Variants in NUDCD1 observed in about 807,000 individuals in gnomAD.
NUDCD1 encodes the protein nudC domain-containing protein 1.
A neutral mutation model predicts 67.8 loss-of-function variants in NUDCD1; 60 were observed. The observed-to-expected ratio is 0.88, with a 90% CI of 0.72 to 1.10. NUDCD1 has a LOEUF of 1.10. Ranked by LOEUF, NUDCD1 falls within the 50% of genes least tolerant of loss-of-function variation. The probability of loss-of-function intolerance (pLI) is 0.00; values close to 1 mark genes in which losing one functional copy is unlikely to be tolerated. For synonymous variants in NUDCD1, 244 were observed against 230.8 expected (o/e 1.06, Z -0.52); for missense variants, 643 against 695.0 (o/e 0.93, Z 0.84).
rs936225733 is a variant in NUDCD1 at position 109,242,113 on chromosome 8, A to G, written c.*896T>C. ...TCAATGGCCCCCAATGAGTCATACC[A>G]TCCGCTGTCAGCTTGTGTAGTCCCC... On this transcript the variant is annotated 3_prime_UTR_variant, in exon 10 of 10. Transcript: ENST00000239690. 8 of 398,074 alleles carry G rather than the reference A, an allele frequency of 2.0e-5. No homozygotes were observed. Among genetic ancestry groups the G allele is most frequent in the African/African-American group, 1.6e-4 (8 of 48,606 alleles). 24.7% of individuals were successfully genotyped at this position (398,074 alleles called of 1,614,324 possible).
rs146545605 is a variant in NUDCD1 at position 109,297,102 on chromosome 8, T to C, written c.274-533A>G. Among the ~76,000 whole-genome samples, 345 of 152,336 alleles carry C rather than the reference T, an allele frequency of 2.3e-3. 10 individuals are homozygous for C. In the East Asian group the frequency reaches 0.055, roughly 24 times the overall value. On this transcript the variant is annotated intron_variant, in intron 2 of 9. Transcript: ENST00000239690. ...AACTGTGTGATATGGTAAGTGGTTA[T>C]TGTTTCAAGTCACTAAGTTTTGAAG...
At chr8:109,248,435 A>T (rs980248474) in intron 8 of NUDCD1, among the ~76,000 whole-genome samples, 7 of 152,162 alleles carry the variant, frequency 4.6e-5, no homozygotes, top group African/African-American at 1.4e-4. Context: ...TTGTAAAGAA[A>T]TTTTTTTAAA....
chr8:109,251,337 TA>T (rs1198252478), intron 8 of NUDCD1, among the ~76,000 whole-genome samples: 1 of 151,980 alleles, frequency 6.6e-6, no homozygotes, highest in Non-Finnish European at 1.5e-5. Context: ...CACGCCTGGT[TA>T]ATTTTTGTAT....
chr8:109,300,120 T>C (rs930641010), intron 2 of NUDCD1, among the ~76,000 whole-genome samples: 2 of 152,156 alleles, frequency 1.3e-5, no homozygotes, highest in Non-Finnish European at 2.9e-5. Context: ...GCCCTAGACT[T>C]TCCCTCTGAT....
At chr8:109,266,431 A>G (rs1307348810) in intron 8 of NUDCD1, among the ~76,000 whole-genome samples, 8 of 136,780 alleles carry the variant, frequency 5.8e-5, no homozygotes, top group Non-Finnish European at 1.1e-4. Context: ...TTTTCAGTAG[A>G]GATGGGGTTT....
intron 4 of NUDCD1, among the ~76,000 whole-genome samples, chr8:109,290,918 G>C (rs1211294666): frequency 1.3e-5 from 2 of 151,980 alleles, no homozygotes; most frequent in Non-Finnish European, 2.9e-5. Flanking sequence ...CACACATTCA[G>C]TTCACACATA....
intron 6 of NUDCD1, among the ~76,000 whole-genome samples, chr8:109,277,057 A>G (rs1814306706): frequency 6.6e-6 from 1 of 152,196 alleles, no homozygotes; most frequent in Non-Finnish European, 1.5e-5. Context: ...ATACTTACCT[A>G]TATGTCAGGT....
intron 1 of NUDCD1, among the ~76,000 whole-genome samples, chr8:109,325,161 G>C (rs936226333): frequency 6.6e-6 from 1 of 152,104 alleles, no homozygotes; most frequent in Non-Finnish European, 1.5e-5. Context: ...ATTTCATGGA[G>C]GGAGAGAGTA....
In NUDCD1 at chr8:109,260,461, A is replaced by G. The variant is rs186304676; in HGVS notation, c.1299+10544T>C. On this transcript the variant is annotated intron_variant, in intron 8 of 9. Coordinates refer to ENST00000239690, the MANE Select transcript of NUDCD1 (RefSeq NM_032869.4). ...AGTGATCCTCCAGCCTTGGCTCCCT[A>G]AAGTCTGGGATTATCGGCATGAGCC... Among the ~76,000 whole-genome samples the G allele has an allele frequency of 1.8e-3, 280 of 152,288 alleles. 1 individual carries two copies. The highest frequency in any genetic ancestry group is 3.0e-3 in the Non-Finnish European group (206 of 68,014).
chr8:109,254,180 A>G (rs2129889507), intron 8 of NUDCD1, among the ~76,000 whole-genome samples: 1 of 152,356 alleles, frequency 6.6e-6, no homozygotes, highest in South Asian at 2.1e-4. Flanking sequence ...CAGTGGAAAC[A>G]AACACAAAAG....
Position 109,293,360 on chromosome 8 carries a change from G to C in NUDCD1, c.624C>G (p.Ile208Met), listed in dbSNP as rs1001571910. Residue 208 changes from isoleucine to methionine, a missense_variant, in exon 4 of 10, where the codon ATC (isoleucine) becomes ATG (methionine). Ile to Met is a conservative substitution (Grantham distance 10, BLOSUM62 1). Coordinates refer to ENST00000239690, the MANE Select transcript of NUDCD1 (RefSeq NM_032869.4). ...GFYVSLEWVT[I>M]SKKNQDNKKY... The stretch of plus-strand genomic sequence containing the variant: ...TTGTTTTACCTTGATTTTTCTTACT[G>C]ATAGTGACCCACTCCAGAGAAACAT... 6.4e-7 allele frequency: 1 copy of C among 1,559,500 alleles called. No individual in the cohort carries two copies. Among genetic ancestry groups the C allele is most frequent in the Non-Finnish European group, 8.7e-7 (1 of 1,155,140 alleles).
chr8:109,302,332 A>G (rs1815008857), intron 2 of NUDCD1, among the ~76,000 whole-genome samples: 2 of 152,042 alleles, frequency 1.3e-5, no homozygotes, highest in South Asian at 4.1e-4. Flanking sequence ...TCTTTTACAC[A>G]TCGGTCCCTT....
chr8:109,329,910 A>G, intron 1 of NUDCD1: 1 of 1,536,988 alleles, frequency 6.5e-7, no homozygotes, highest in Non-Finnish European at 8.8e-7. Flanking sequence ...GATGCTACGA[A>G]GTATGATAAA....
intron 1 of NUDCD1, chr8:109,329,933 C>T: frequency 6.6e-7 from 1 of 1,513,904 alleles, no homozygotes. Flanking sequence ...CTATGAAGTA[C>T]TGGTTACTAT....
At chr8:109,313,940 C>T (rs936856803) in intron 2 of NUDCD1, 7 of 452,712 alleles carry the variant, frequency 1.5e-5, no homozygotes, top group African/African-American at 6.1e-5. Flanking sequence ...CACATAGTGG[C>T]TCTCTTACTT....
chr8:109,329,893 C>A (rs1815767431), intron 1 of NUDCD1: 1 of 1,542,664 alleles, frequency 6.5e-7, no homozygotes, highest in Non-Finnish European at 8.8e-7. Context: ...GCAAAGAAAA[C>A]ATACTGGATG....
chr8:109,282,832 T>TA (rs1563670805), intron 5 of NUDCD1, among the ~76,000 whole-genome samples: 2 of 139,938 alleles, frequency 1.4e-5, no homozygotes, highest in African/African-American at 2.9e-5. Flanking sequence ...AAAAGTACAA[T>TA]AAAAAAATTC....
intron 2 of NUDCD1, among the ~76,000 whole-genome samples, chr8:109,313,388 T>C (rs950114373): frequency 1.3e-5 from 2 of 152,194 alleles, no homozygotes; most frequent in African/African-American, 4.8e-5. Context: ...TATGAATCCA[T>C]ATATGCCAAA....
chr8:109,262,007 T>C (rs1813873314), intron 8 of NUDCD1, among the ~76,000 whole-genome samples: 1 of 151,964 alleles, frequency 6.6e-6, no homozygotes, highest in Non-Finnish European at 1.5e-5. Context: ...GAACAGCAAT[T>C]ACTGTTGCAA....
Sources: gnomAD v4.1 joint callset for allele counts (sites outside exome capture counted in the v4.1 genomes callset) on GRCh38, gnomAD v4.1.1 for gene constraint, MANE v1.5 for transcripts, NCBI Gene and HGNC (gene_info 2026-07-23, HGNC 2026-07-21) for gene names.